The following DAB2IP variants were observed in gnomAD, a reference collection of about 807,000 sequenced individuals.
DAB2IP encodes DAB2 interacting protein, also known as disabled homolog 2-interacting protein.
DAB2IP carries 28 observed loss-of-function variants against 107.2 expected under a neutral mutation model. The ratio of observed to expected loss-of-function variants is 0.26; its 90% confidence interval spans 0.19 to 0.36. DAB2IP has a LOEUF of 0.36. DAB2IP is among the 10% of genes least tolerant of loss of function. DAB2IP has a pLI of 1.00. For synonymous variants in DAB2IP, 755 were observed against 706.4 expected (o/e 1.07, Z -1.09); for missense variants, 1,400 against 1,644.7 (o/e 0.85, Z 2.57).
At chr9:121,773,245 C>T in exon 12 of DAB2IP, 1 of 1,549,688 alleles carries the variant, frequency 6.5e-7, no homozygotes, top group Admixed American at 1.9e-5. Flanking sequence ...CCCACGGTGC[C>T]ACGGCAGAAC....
At chr9:121,714,300 A>G (rs931070163) in intron 3 of DAB2IP, among the ~76,000 whole-genome samples, 34 of 152,222 alleles carry the variant, frequency 2.2e-4, no homozygotes, top group Non-Finnish European at 5.9e-5. Context: ...TTGCTGCTAA[A>G]TGAGTCATTA....
At chr9:121,718,138 A>G (rs1830709865) in intron 3 of DAB2IP, among the ~76,000 whole-genome samples, 1 of 152,098 alleles carries the variant, frequency 6.6e-6, no homozygotes, top group Admixed American at 6.5e-5. Flanking sequence ...CTGTGAAGGC[A>G]GACTCTCCTG....
intron 3 of DAB2IP, among the ~76,000 whole-genome samples, chr9:121,746,175 G>C (rs866455370): frequency 1.3e-5 from 2 of 152,246 alleles, no homozygotes; most frequent in Admixed American, 6.5e-5. Context: ...ATCCAGAGAA[G>C]TGCTGGCAGG....
chr9:121,752,280 C>T (rs1335697753), intron 3 of DAB2IP, among the ~76,000 whole-genome samples: 3 of 152,036 alleles, frequency 2.0e-5, no homozygotes, highest in African/African-American at 7.3e-5. Context: ...GGAACAACCA[C>T]GTCACCAGGG....
chr9:121,738,062 A>C (rs1832055063), intron 3 of DAB2IP, among the ~76,000 whole-genome samples: 1 of 151,732 alleles, frequency 6.6e-6, no homozygotes, highest in African/African-American at 2.4e-5. Context: ...GGCTGGGGGG[A>C]AGCTTTAGGG....
chr9:121,727,104 G>A (rs75074825), intron 3 of DAB2IP, among the ~76,000 whole-genome samples: 2,713 of 152,310 alleles, frequency 0.018, 92 homozygotes, highest in African/African-American at 0.061. Flanking sequence ...AGTGCCAGCA[G>A]GATAAAGCAC....
chr9:121,758,884 C>T lies in DAB2IP; in HGVS notation c.517-14C>T, dbSNP rs753138176. On this transcript the variant is annotated splice_polypyrimidine_tract_variant and intron_variant, in intron 4 of 15. Coordinates refer to ENST00000408936, the Ensembl canonical transcript of DAB2IP. Reference sequence around the variant, plus strand: ...TCCCTTCCCTCATAACACTGTCTTGCCTGCTCCCCACAGGTGACGACGTCA... The same window carrying T: ...TCCCTTCCCTCATAACACTGTCTTGTCTGCTCCCCACAGGTGACGACGTCA... 19 of 1,610,590 alleles carry T rather than the reference C, an allele frequency of 1.2e-5. No homozygotes were observed. The highest frequency in any genetic ancestry group is 1.0e-4 in the Admixed American group (6 of 59,550).
At position 121,678,883 on chromosome 9, in the gene DAB2IP, T is replaced by C. The variant is rs1463451941; in HGVS notation, c.228+102T>C. The stretch of plus-strand genomic sequence containing the variant: ...CACGGCCCCCCTTCCTGGAGCCTCA[T>C]GGACCCGGAGAGCATCCGGCCTCCC... On this transcript the variant is annotated intron_variant, in intron 2 of 15. Transcript: ENST00000408936. The C allele has an allele frequency of 3.5e-6, 4 of 1,138,102 alleles. No homozygotes were observed. The African/African-American group carries it at 6.4e-5, about 18-fold the overall frequency. The allele number at this position is 1,138,102 out of a possible 1,614,324, so 70.5% of individuals were successfully genotyped here. A position where few individuals can be genotyped will look rare whatever the true frequency, so the allele number is the denominator to read the frequency against.
In DAB2IP at chr9:121,698,519, A is replaced by C. The variant is rs1564163550; in HGVS notation, c.229-806A>C. On this transcript the variant is annotated intron_variant, in intron 2 of 15. Coordinates refer to ENST00000408936, the Ensembl canonical transcript of DAB2IP. The surrounding 1 kb of genome is among the most constrained non-coding windows in gnomAD (Gnocchi z 4.1). ...GTGAATAAGGTTCCCCAAATCTTGA[A>C]GCTTTTAATGGGGATACTCAGCAAA... is the stretch of plus-strand genomic sequence containing the variant. Among the ~76,000 whole-genome samples the C allele has an allele frequency of 6.6e-6, 1 of 152,190 alleles. No homozygotes were observed. Among genetic ancestry groups the C allele is most frequent in the African/African-American group, 2.4e-5 (1 of 41,450 alleles).
intron 1 of DAB2IP, among the ~76,000 whole-genome samples, chr9:121,592,187 G>A (rs1210640131): frequency 1.3e-5 from 2 of 152,102 alleles, no homozygotes; most frequent in African/African-American, 4.8e-5. Flanking sequence ...GGCCAACATG[G>A]TGAAACCCCA....
chr9:121,622,066 G>A (rs527490638), intron 1 of DAB2IP, among the ~76,000 whole-genome samples: 169 of 137,834 alleles, frequency 1.2e-3, no homozygotes, highest in African/African-American at 4.6e-3. Context: ...TCAGCTCACT[G>A]CAACCTCTGC....
chr9:121,678,769 G>A (rs372345451), exon 2 of DAB2IP: 80 of 1,592,624 alleles, frequency 5.0e-5, no homozygotes, highest in African/African-American at 2.3e-4. Flanking sequence ...CCGCCACGCC[G>A]TTCCGGGTCA....
Position 121,782,379 on chromosome 9 carries a change from G to T in DAB2IP, c.3451G>T (p.Ala1151Ser). ...TGCCGCCAATGCCCGCCTCATGAGT[G>T]CCCTGACCCAGCTGAAAGAGAGGTA... is the stretch of plus-strand genomic sequence containing the variant. Residue 1151 changes from alanine (A) to serine (S), a missense_variant, in exon 16 of 16, where the codon GCC becomes TCC. Around this residue, in one of 3 missense-constraint regions of DAB2IP, gnomAD observed 600 missense variants for 659.1 expected, o/e 0.91. Coordinates refer to ENST00000408936, the Ensembl canonical transcript of DAB2IP. This position sits in a 1 kb window ranked among gnomAD's most constrained non-coding sequence, Gnocchi z 6.1. 1 of 1,614,018 alleles carries T rather than the reference G, an allele frequency of 6.2e-7. No individual in the cohort carries two copies. The highest frequency in any genetic ancestry group is 8.5e-7 in the Non-Finnish European group (1 of 1,179,948).
intron 1 of DAB2IP, among the ~76,000 whole-genome samples, chr9:121,578,668 G>A (rs1485000753): frequency 3.5e-5 from 5 of 142,382 alleles, no homozygotes; most frequent in African/African-American, 7.7e-5. Context: ...GCCCTGCAAC[G>A]GGCCCAAGTC....
intron 1 of DAB2IP, among the ~76,000 whole-genome samples, chr9:121,642,879 T>C (rs1166962510): frequency 2.0e-5 from 3 of 152,134 alleles, no homozygotes; most frequent in Non-Finnish European, 4.4e-5. Flanking sequence ...GCAAAGGCAC[T>C]TGAGATAAGG....
chr9:121,700,391 A>T (rs773197093), intron 3 of DAB2IP, among the ~76,000 whole-genome samples: 1 of 152,072 alleles, frequency 6.6e-6, no homozygotes, highest in Non-Finnish European at 1.5e-5. Context: ...GCACCTTTCC[A>T]CTTAGGCACA....
chr9:121,704,762 G>A (rs1829973060), intron 3 of DAB2IP, among the ~76,000 whole-genome samples: 1 of 152,078 alleles, frequency 6.6e-6, no homozygotes, highest in African/African-American at 2.4e-5. Flanking sequence ...CATTCATAAG[G>A]ATGCCCTGTA....
rs1175350987 is a variant in DAB2IP at position 121,567,141 on chromosome 9, C to A, written c.-48C>A. 1.9e-6 allele frequency: 3 copies of A among 1,612,744 alleles called. No homozygotes were observed. The Admixed American group carries it at 5.0e-5, about 27-fold the overall frequency. Reference sequence around the variant, plus strand: ...GGAACCCAGACGCTCATGGAGACAGCCTCGGTTCATAAATCAGGTGGGGCC... The same window carrying A: ...GGAACCCAGACGCTCATGGAGACAGACTCGGTTCATAAATCAGGTGGGGCC... On this transcript the variant is annotated 5_prime_UTR_variant, in exon 1 of 17. Coordinates refer to the DAB2IP transcript ENST00000259371.
At chr9:121,779,556 G>A (rs749270214) in intron 14 of DAB2IP, among the ~76,000 whole-genome samples, 5 of 152,170 alleles carry the variant, frequency 3.3e-5, no homozygotes, top group Admixed American at 2.6e-4. Context: ...AATCCTCTCA[G>A]GGTTTCCTTT....
Sources: allele counts gnomAD v4.1 joint callset (sites outside exome capture counted in the v4.1 genomes callset), GRCh38; gene constraint gnomAD v4.1.1; regional missense constraint gnomAD v4.1.1; non-coding constraint Gnocchi (gnomAD v3.1); transcripts MANE v1.5; gene names NCBI Gene and HGNC (gene_info 2026-07-23, HGNC 2026-07-21).